COLEC10: variants seen among roughly 807,000 people sequenced by gnomAD.
The protein encoded by COLEC10 is collectin subfamily member 10, also known as collectin-10.
In COLEC10, 22 loss-of-function variants were observed where a neutral mutation model predicts 28.4. That is an observed-to-expected ratio of 0.78 (90% CI 0.55 to 1.11). The LOEUF (loss-of-function observed/expected upper bound fraction) is 1.11, where lower values mean the gene tolerates loss of function less well. Among genes scored for constraint, COLEC10 ranks in the 50% least tolerant of loss-of-function variants. The pLI is 0.00. For missense variants in COLEC10, 361 were observed against 344.1 expected (o/e 1.05, Z -0.39); for synonymous variants, 125 against 116.1 (o/e 1.08, Z -0.49).
intron 3 of COLEC10, among the ~76,000 whole-genome samples, chr8:119,099,764 C>G (rs73327234): frequency 3.4e-4 from 52 of 152,268 alleles, no homozygotes; most frequent in African/African-American, 1.2e-3. Context: ...GAAGCCTTCT[C>G]CACTCTGATC....
At chr8:119,071,127 G>A (rs947174730) in intron 1 of COLEC10, among the ~76,000 whole-genome samples, 3 of 152,138 alleles carry the variant, frequency 2.0e-5, no homozygotes, top group Non-Finnish European at 2.9e-5. Context: ...AATGTACAGG[G>A]CAAAGTCAAA....
intron 1 of COLEC10, among the ~76,000 whole-genome samples, chr8:118,995,913 C>T (rs181899775): frequency 1.3e-5 from 2 of 151,776 alleles, no homozygotes; most frequent in African/African-American, 4.8e-5. Context: ...GTGAGATATA[C>T]CCCCTGAACA....
intron 1 of COLEC10, among the ~76,000 whole-genome samples, chr8:119,085,122 G>A (rs1815446627): frequency 6.6e-6 from 1 of 152,206 alleles, no homozygotes; most frequent in Non-Finnish European, 1.5e-5. Flanking sequence ...GAAATGGCTT[G>A]TTTCAGAGTA....
At chr8:118,960,785 GA>G in the COLEC10 span, among the ~76,000 whole-genome samples, 16,628 of 72,042 alleles carry the variant, frequency 0.23, 1,027 homozygotes, top group South Asian at 0.28. Context: ...GAGACTCTGT[GA>G]AAAAAAAAAA....
chr8:119,100,107 G>A (rs1041360641), intron 3 of COLEC10, among the ~76,000 whole-genome samples: 2 of 152,122 alleles, frequency 1.3e-5, no homozygotes, highest in Non-Finnish European at 2.9e-5. Flanking sequence ...TGATGGTGAT[G>A]AGGACTGCTA....
the COLEC10 span, among the ~76,000 whole-genome samples, chr8:118,964,474 T>A: frequency 6.6e-6 from 1 of 152,112 alleles, no homozygotes; most frequent in African/African-American, 2.4e-5. Flanking sequence ...TATTAGAGAA[T>A]CTCTAAGGTG....
chr8:119,017,200 G>A (rs574388950), intron 2 of COLEC10, among the ~76,000 whole-genome samples: 1 of 152,076 alleles, frequency 6.6e-6, no homozygotes, highest in African/African-American at 2.4e-5. Context: ...ATATTGCTAG[G>A]GATTAGTAGA....
chr8:119,086,431 C>T (rs1174366733), intron 1 of COLEC10, among the ~76,000 whole-genome samples: 2 of 150,408 alleles, frequency 1.3e-5, no homozygotes, highest in Non-Finnish European at 2.9e-5. Flanking sequence ...CATCTCCCTT[C>T]AGTTCTCATT....
chr8:119,054,795 T>C (rs1814735021), intron 2 of COLEC10, among the ~76,000 whole-genome samples: 1 of 152,098 alleles, frequency 6.6e-6, no homozygotes, highest in Non-Finnish European at 1.5e-5. Context: ...CCCTTCCTTA[T>C]AAGCTTTTGA....
intron 3 of COLEC10, among the ~76,000 whole-genome samples, chr8:119,092,613 A>C (rs1460801950): frequency 6.6e-6 from 1 of 152,152 alleles, no homozygotes; most frequent in Non-Finnish European, 1.5e-5. Flanking sequence ...ACTTTCTTAA[A>C]AAGAATTAGA....
chr8:119,071,285 T>G (rs1563734496), intron 1 of COLEC10, among the ~76,000 whole-genome samples: 1 of 152,230 alleles, frequency 6.6e-6, no homozygotes, highest in Non-Finnish European at 1.5e-5. Flanking sequence ...ATTGCTTATT[T>G]TGATGTTTGC....
the COLEC10 span, among the ~76,000 whole-genome samples, chr8:118,977,755 A>T: frequency 6.7e-6 from 1 of 149,810 alleles, no homozygotes; most frequent in Non-Finnish European, 1.5e-5. Context: ...ATAATAATAA[A>T]TAAATAAATA....
At chr8:119,034,580 G>A (rs115834916) in intron 2 of COLEC10, among the ~76,000 whole-genome samples, 2,592 of 152,152 alleles carry the variant, frequency 0.017, 69 homozygotes, top group African/African-American at 0.058. Context: ...GTGTGGTGGC[G>A]GATGCCTATA....
At chr8:118,979,367 T>A in the COLEC10 span, among the ~76,000 whole-genome samples, 1 of 152,018 alleles carries the variant, frequency 6.6e-6, no homozygotes, top group African/African-American at 2.4e-5. Flanking sequence ...TGTAATGACA[T>A]CCAATATTCC....
In COLEC10 at chr8:119,102,366, G is replaced by T. The variant is rs199832637; in HGVS notation, c.311G>T (p.Gly104Val). The T allele has an allele frequency of 1.1e-4, 184 of 1,607,728 alleles. No individual in the cohort carries two copies. The highest frequency in any genetic ancestry group is 8.4e-5 in the Admixed American group (5 of 59,580). ...IGKKGDKGEK[G>V]LLGIPGEKGK... Reference sequence around the variant, plus strand: ...TTTTCAGGTGACAAAGGGGAAAAAGGTTTGCTTGGAATACCTGGAGAAAAA... The same window carrying T: ...TTTTCAGGTGACAAAGGGGAAAAAGTTTTGCTTGGAATACCTGGAGAAAAA... The change falls in exon 4 of 6, where the codon GGT (glycine) becomes GTT (valine). Residue 104 changes from glycine (G) to valine (V), a missense_variant. Gly to Val is a moderately radical substitution (Grantham distance 109). Coordinates refer to ENST00000332843, the MANE Select transcript of COLEC10 (RefSeq NM_006438.5).
At chr8:119,032,038 C>T (rs542483438) in intron 2 of COLEC10, among the ~76,000 whole-genome samples, 151 of 152,172 alleles carry the variant, frequency 9.9e-4, no homozygotes, top group African/African-American at 3.3e-3. Flanking sequence ...ATTTTACAGA[C>T]GGGAAAATTG....
chr8:119,025,695 G>A (rs1034826255), intron 2 of COLEC10, among the ~76,000 whole-genome samples: 1 of 152,142 alleles, frequency 6.6e-6, no homozygotes, highest in African/African-American at 2.4e-5. Flanking sequence ...CTGTAAATGG[G>A]TTTAGATGTT....
chr8:119,002,992 G>A (rs1209173375), intron 1 of COLEC10, among the ~76,000 whole-genome samples: 1 of 152,032 alleles, frequency 6.6e-6, no homozygotes, highest in Non-Finnish European at 1.5e-5. Flanking sequence ...TTTCTCCATT[G>A]GCTTAGTTCC....
At chr8:118,995,798 G>C (rs75841324) in intron 1 of COLEC10, among the ~76,000 whole-genome samples, 1 of 152,066 alleles carries the variant, frequency 6.6e-6, no homozygotes, top group Non-Finnish European at 1.5e-5. Flanking sequence ...ATCAAATGGT[G>C]CAAAATCCAG....
Sources: gnomAD v4.1 joint callset for allele counts (sites outside exome capture counted in the v4.1 genomes callset) on GRCh38, gnomAD v4.1.1 for gene constraint, MANE v1.5 for transcripts, NCBI Gene and HGNC (gene_info 2026-07-23, HGNC 2026-07-21) for gene names.